The following PUDP variants were observed in gnomAD, a reference collection of about 807,000 sequenced individuals.
PUDP encodes the protein pseudouridine 5'-phosphatase.
Under a neutral mutation model 9.4 loss-of-function variants are expected in PUDP, and 8 were observed. The ratio of observed to expected loss-of-function variants is 0.85; its 90% CI spans 0.50 to 1.53. The LOEUF is 1.53. Among genes scored for constraint, PUDP ranks in the 40% most tolerant of loss-of-function variants. The probability of loss-of-function intolerance (pLI) is 0.00; values close to 1 mark genes in which losing one functional copy is unlikely to be tolerated. For synonymous variants in PUDP, 99 were observed against 80.7 expected, an observed-to-expected ratio of 1.23 and a Z score of -1.22; for missense variants, 188 against 189.7, an observed-to-expected ratio of 0.99 and a Z score of 0.05.
intron 3 of PUDP, among the ~76,000 whole-genome samples, chrX:6,727,779 A>C (rs1317969019): frequency 9.0e-6 from 1 of 111,618 alleles, no homozygotes; most frequent in Non-Finnish European, 1.9e-5. Flanking sequence ...ACCCTCAGAG[A>C]GGTGGTGCAA....
intron 3 of PUDP, among the ~76,000 whole-genome samples, chrX:6,907,127 T>C (rs1332294908): frequency 9.0e-6 from 1 of 110,532 alleles, no homozygotes; most frequent in Admixed American, 9.7e-5. Context: ...AATTGAATCA[T>C]GGGGGCGGTT....
chrX:7,013,696 G>A (rs1031030815), intron 1 of PUDP, among the ~76,000 whole-genome samples: 1 of 112,219 alleles, frequency 8.9e-6, no homozygotes. Context: ...AACCCCTGAT[G>A]GGAGATGGAG....
chrX:6,954,284 C>T (rs1300971694), intron 3 of PUDP, among the ~76,000 whole-genome samples: 1 of 110,885 alleles, frequency 9.0e-6, no homozygotes, highest in Non-Finnish European at 1.9e-5. Flanking sequence ...TTCTGGGCTC[C>T]TTTGTTTCCC....
chrX:6,800,344 T>C (rs749022868), intron 3 of PUDP, among the ~76,000 whole-genome samples: 106 of 111,859 alleles, frequency 9.5e-4, no homozygotes, highest in Admixed American at 4.2e-3. Flanking sequence ...CTTTATCTAA[T>C]AGAAGAAATC....
chrX:6,751,100 C>A (rs1453175649), intron 3 of PUDP, among the ~76,000 whole-genome samples: 1 of 107,617 alleles, frequency 9.3e-6, no homozygotes, highest in Admixed American at 1.0e-4. Context: ...CAAGATTGTG[C>A]CACTGCACTC....
At chrX:6,788,468 C>T (rs765036482) in intron 3 of PUDP, among the ~76,000 whole-genome samples, 6 of 111,778 alleles carry the variant, frequency 5.4e-5, no homozygotes, top group Admixed American at 2.8e-4. Context: ...TTCCAGAGGC[C>T]GAGGTGGGCA....
downstream of PUDP, among the ~76,000 whole-genome samples, chrX:7,047,092 A>C (rs754049196): frequency 8.9e-6 from 1 of 112,234 alleles, no homozygotes; most frequent in African/African-American, 3.2e-5. Flanking sequence ...ATCCTTCACA[A>C]ACAACTTAGG....
intron 3 of PUDP, among the ~76,000 whole-genome samples, chrX:7,056,397 C>A (rs988499874): frequency 8.9e-6 from 1 of 112,012 alleles, no homozygotes; most frequent in Non-Finnish European, 1.9e-5. Flanking sequence ...GGCAGGCCTG[C>A]GGCCTACCCT....
At chrX:6,797,656 C>A (rs1925866200) in intron 3 of PUDP, among the ~76,000 whole-genome samples, 1 of 111,829 alleles carries the variant, frequency 8.9e-6, no homozygotes, top group African/African-American at 3.2e-5. Flanking sequence ...CTGCCCTGGT[C>A]AAGCCTTCAA....
intron 1 of PUDP, among the ~76,000 whole-genome samples, chrX:7,118,961 T>C (rs1230927626): frequency 2.7e-5 from 3 of 110,126 alleles, no homozygotes; most frequent in African/African-American, 6.5e-5. Context: ...AGTTCATTAA[T>C]ATATTTTGAA....
intron 1 of PUDP, among the ~76,000 whole-genome samples, chrX:7,124,809 G>T (rs753912012): frequency 9.1e-6 from 1 of 109,489 alleles, no homozygotes; most frequent in Non-Finnish European, 1.9e-5. Flanking sequence ...TTAGCCAGGC[G>T]TGGTGGCGGG....
chrX:6,930,662 G>A (rs1421789358), intron 3 of PUDP, among the ~76,000 whole-genome samples: 1 of 109,340 alleles, frequency 9.1e-6, no homozygotes. Flanking sequence ...TCTGCCTATG[G>A]AGTAGCCATT....
At chrX:6,812,367 T>G (rs1390793655) in intron 3 of PUDP, among the ~76,000 whole-genome samples, 1 of 112,049 alleles carries the variant, frequency 8.9e-6, no homozygotes, top group Non-Finnish European at 1.9e-5. Context: ...ACTTGAAAGT[T>G]CCAGTAATTT....
chrX:6,824,294 A>G (rs2146709507), intron 3 of PUDP, among the ~76,000 whole-genome samples: 1 of 111,674 alleles, frequency 9.0e-6, no homozygotes, highest in South Asian at 3.8e-4. Flanking sequence ...CATGATTGTA[A>G]GTTTCCTGAG....
At chrX:6,844,896 A>C (rs1926722137) in intron 3 of PUDP, among the ~76,000 whole-genome samples, 1 of 112,306 alleles carries the variant, frequency 8.9e-6, no homozygotes, top group Non-Finnish European at 1.9e-5. Flanking sequence ...TGAAAGCCTG[A>C]GAACGAGAAG....
intron 3 of PUDP, among the ~76,000 whole-genome samples, chrX:6,902,838 G>T (rs766317909): frequency 4.2e-4 from 47 of 111,723 alleles, no homozygotes; most frequent in Middle Eastern, 4.2e-3. Context: ...AGCTTGCCAT[G>T]TAGGGAGTGT....
rs749436498 is a variant in PUDP, at chrX:6,782,600, C to T, written c.*248-76134G>A. On this transcript the variant is annotated intron_variant and NMD_transcript_variant, in intron 3 of 3. Coordinates refer to the PUDP transcript ENST00000655425. ...AAAATAATAAAATAAAATAAAATAA[C>T]CACATCTACGATTTCTGACAATACT... Among the ~76,000 whole-genome samples the T allele has an allele frequency of 5.4e-5, 6 of 110,879 alleles. No homozygotes were observed. The East Asian group carries it at 1.7e-3, about 32-fold the overall frequency.
At chrX:6,761,809 C>A (rs1925231522) in intron 3 of PUDP, among the ~76,000 whole-genome samples, 1 of 111,323 alleles carries the variant, frequency 9.0e-6, no homozygotes, top group Non-Finnish European at 1.9e-5. Context: ...AATGAGAATA[C>A]CTGGGATATA....
chrX:6,893,048 CTACTT>C (rs932047132), intron 3 of PUDP, among the ~76,000 whole-genome samples: 1 of 112,496 alleles, frequency 8.9e-6, no homozygotes, highest in African/African-American at 3.2e-5. Context: ...GGAAAAAAAA[CTACTT>C]TATAAGGAAT....
Sources: allele counts gnomAD v4.1 joint callset (sites outside exome capture counted in the v4.1 genomes callset), GRCh38; gene constraint gnomAD v4.1.1; transcripts MANE v1.5; gene names NCBI Gene and HGNC (gene_info 2026-07-23, HGNC 2026-07-21).